Variants in LCLAT1 observed in about 807,000 individuals in gnomAD.
LCLAT1 encodes lysocardiolipin acyltransferase 1.
A neutral mutation model predicts 30.7 loss-of-function variants in LCLAT1; 11 were observed. That is an observed-to-expected ratio of 0.36 (90% CI 0.23 to 0.59). The LOEUF (loss-of-function observed/expected upper bound fraction) is 0.59. Ranked by LOEUF, LCLAT1 falls within the 20% of genes least tolerant of loss-of-function variation. The pLI, the probability that LCLAT1 is intolerant of heterozygous loss-of-function variation, is 0.77. For missense variants in LCLAT1, 402 were observed against 458.6 expected, an observed-to-expected ratio of 0.88 and a Z score of 1.13; for synonymous variants, 155 against 151.3, an observed-to-expected ratio of 1.02 and a Z score of -0.18.
intron 5 of LCLAT1, among the ~76,000 whole-genome samples, chr2:30,586,241 CAAAAAAA>C (rs148993331): frequency 5.1e-5 from 4 of 77,776 alleles, no homozygotes; most frequent in East Asian, 7.1e-4. Context: ...GACTCCGTCT[CAAAAAAA>C]AAAAAAAAAA....
chr2:30,494,228 C>CA (rs1166909392), intron 1 of LCLAT1, among the ~76,000 whole-genome samples: 4 of 151,734 alleles, frequency 2.6e-5, no homozygotes, highest in South Asian at 2.1e-4. Flanking sequence ...GTCTTAAAAC[C>CA]AAAAAACAAA....
At chr2:30,447,607 G>A (rs1327114298) in intron 1 of LCLAT1, 2 of 152,304 alleles carry the variant, frequency 1.3e-5, no homozygotes, top group Non-Finnish European at 2.9e-5. Context: ...GCGCGGGGAA[G>A]CGACTCCTGG....
intron 2 of LCLAT1, among the ~76,000 whole-genome samples, chr2:30,531,377 A>G (rs1202656883): frequency 2.6e-5 from 4 of 152,154 alleles, no homozygotes; most frequent in Non-Finnish European, 5.9e-5. Context: ...CTTTCAAGGG[A>G]CTTTTTGGAG....
chr2:30,450,947 T>C (rs1425048314), intron 1 of LCLAT1, among the ~76,000 whole-genome samples: 2 of 152,104 alleles, frequency 1.3e-5, no homozygotes, highest in Non-Finnish European at 2.9e-5. Flanking sequence ...AAGAAGAAAT[T>C]TGCAATTTAT....
chr2:30,493,868 T>C (rs1683965672), intron 1 of LCLAT1, among the ~76,000 whole-genome samples: 1 of 152,112 alleles, frequency 6.6e-6, no homozygotes, highest in East Asian at 1.9e-4. Context: ...TAAAAAATAG[T>C]TTTGACTGGG....
intron 5 of LCLAT1, among the ~76,000 whole-genome samples, chr2:30,589,219 T>C: frequency 6.6e-6 from 1 of 152,256 alleles, no homozygotes; most frequent in East Asian, 1.9e-4. Context: ...TTTTAAATAT[T>C]AGATAATGTC....
intron 1 of LCLAT1, among the ~76,000 whole-genome samples, chr2:30,481,160 G>A (rs182945387): frequency 2.1e-4 from 32 of 152,174 alleles, no homozygotes; most frequent in African/African-American, 5.5e-4. Flanking sequence ...GGCAGAAGAG[G>A]TTAGTTAGCA....
At chr2:30,473,816 C>T (rs1445033748) in intron 1 of LCLAT1, among the ~76,000 whole-genome samples, 2 of 152,150 alleles carry the variant, frequency 1.3e-5, no homozygotes, top group Non-Finnish European at 2.9e-5. Flanking sequence ...TCTAAAGGTT[C>T]TGAAACCTGG....
At chr2:30,539,112 A>C (rs932528831) in intron 3 of LCLAT1, among the ~76,000 whole-genome samples, 4 of 151,962 alleles carry the variant, frequency 2.6e-5, no homozygotes, top group African/African-American at 9.7e-5. Context: ...GGCGCACGCC[A>C]CCACGCCCAG....
chr2:30,616,072 G>C (rs987997137), intron 5 of LCLAT1, among the ~76,000 whole-genome samples: 1 of 152,186 alleles, frequency 6.6e-6, no homozygotes, highest in Admixed American at 6.5e-5. Flanking sequence ...AACTGTGCAT[G>C]TGTAATTAGA....
intron 5 of LCLAT1, among the ~76,000 whole-genome samples, chr2:30,588,864 T>G (rs79522132): frequency 0.096 from 14,606 of 152,098 alleles, 742 homozygotes; most frequent in East Asian, 0.12. Flanking sequence ...CCTCCTAGAG[T>G]GCTGGGATTA....
chr2:30,516,409 G>C (rs911782173), intron 1 of LCLAT1, among the ~76,000 whole-genome samples: 5 of 152,190 alleles, frequency 3.3e-5, no homozygotes, highest in Admixed American at 3.3e-4. Context: ...CTGCGCTTCT[G>C]ATGCAGCAAG....
chr2:30,630,327 T>C (rs1044462273), intron 5 of LCLAT1, among the ~76,000 whole-genome samples: 4 of 152,202 alleles, frequency 2.6e-5, no homozygotes, highest in Non-Finnish European at 4.4e-5. Flanking sequence ...CATAAGAATC[T>C]TGAGGATACA....
chr2:30,549,262 G>C (rs1431375052), intron 3 of LCLAT1, among the ~76,000 whole-genome samples: 6 of 152,064 alleles, frequency 3.9e-5, no homozygotes, highest in Non-Finnish European at 8.8e-5. Flanking sequence ...ACCTAAATTG[G>C]ATATCCTGTT....
At chr2:30,528,177 A>G (rs1025333269) in intron 2 of LCLAT1, among the ~76,000 whole-genome samples, 1 of 152,192 alleles carries the variant, frequency 6.6e-6, no homozygotes, top group African/African-American at 2.4e-5. Context: ...TGCTTACTCT[A>G]TTGGTAAGAG....
intron 5 of LCLAT1, among the ~76,000 whole-genome samples, chr2:30,619,128 A>G (rs562878783): frequency 6.6e-6 from 1 of 152,312 alleles, no homozygotes; most frequent in South Asian, 2.1e-4. Context: ...CTGGTTGAGC[A>G]TCTCTGCCCT....
chr2:30,512,057 T>G (rs1481712313), intron 1 of LCLAT1, among the ~76,000 whole-genome samples: 2 of 152,230 alleles, frequency 1.3e-5, no homozygotes, highest in East Asian at 3.8e-4. Flanking sequence ...TTCCAGCTTT[T>G]AAAATGTTGT....
At chr2:30,614,254 A>G (rs1285459252) in intron 5 of LCLAT1, among the ~76,000 whole-genome samples, 2 of 118,666 alleles carry the variant, frequency 1.7e-5, no homozygotes, top group African/African-American at 6.6e-5. Flanking sequence ...ACCGCCCTTA[A>G]TCCATTTAAC....
intron 5 of LCLAT1, among the ~76,000 whole-genome samples, chr2:30,610,094 A>G (rs1241204481): frequency 6.6e-6 from 1 of 152,056 alleles, no homozygotes; most frequent in Non-Finnish European, 1.5e-5. Flanking sequence ...TACCCCCTGC[A>G]TTTTTCTAAT....
Sources: gnomAD v4.1 joint callset for allele counts (sites outside exome capture counted in the v4.1 genomes callset) on GRCh38, gnomAD v4.1.1 for gene constraint, MANE v1.5 for transcripts, NCBI Gene and HGNC (gene_info 2026-07-23, HGNC 2026-07-21) for gene names.